The following TMEM178B variants were observed in gnomAD, a reference collection of about 807,000 sequenced individuals.
The protein encoded by TMEM178B is transmembrane protein 178B.
Under a neutral mutation model 31.0 loss-of-function variants are expected in TMEM178B, and 5 were observed. The ratio of observed to expected loss-of-function variants is 0.16; its 90% CI spans 0.08 to 0.34. The LOEUF is 0.34. Ranked by LOEUF, TMEM178B falls within the 10% of genes least tolerant of loss-of-function variation. TMEM178B has a pLI of 1.00. For missense variants in TMEM178B, 275 were observed against 400.3 expected (o/e 0.69, Z 2.67); for synonymous variants, 164 against 164.0 (o/e 1.00, Z 0.00).
At chr7:141,283,234 G>A (rs565358871) in intron 2 of TMEM178B, among the ~76,000 whole-genome samples, 35 of 152,346 alleles carry the variant, frequency 2.3e-4, no homozygotes, top group East Asian at 1.2e-3. Context: ...TGCCTCTAAC[G>A]TGCTCTCTGG....
At chr7:141,236,781 TA>T (rs1344728590) in intron 2 of TMEM178B, among the ~76,000 whole-genome samples, 2 of 152,180 alleles carry the variant, frequency 1.3e-5, no homozygotes, top group African/African-American at 4.8e-5. Flanking sequence ...TTTCGAAGCT[TA>T]AGGGAAATTA....
chr7:141,496,530 T>A, the TMEM178B span, among the ~76,000 whole-genome samples: 2 of 145,836 alleles, frequency 1.4e-5, no homozygotes, highest in Non-Finnish European at 3.0e-5. Flanking sequence ...ATTAGCCAGG[T>A]GTAGTGGCGG....
At chr7:141,098,651 G>A (rs899738043) in intron 1 of TMEM178B, among the ~76,000 whole-genome samples, 1 of 152,202 alleles carries the variant, frequency 6.6e-6, no homozygotes, top group African/African-American at 2.4e-5. Context: ...GAGATTTATT[G>A]TGAAGGTTGA....
chr7:141,091,725 A>C (rs1420771332), intron 1 of TMEM178B, among the ~76,000 whole-genome samples: 1 of 152,086 alleles, frequency 6.6e-6, no homozygotes, highest in Admixed American at 6.5e-5. Context: ...TGAGTCCTAG[A>C]ATGTACTTTG....
At chr7:141,418,614 A>G (rs1801143427) in intron 2 of TMEM178B, among the ~76,000 whole-genome samples, 1 of 152,118 alleles carries the variant, frequency 6.6e-6, no homozygotes, top group Non-Finnish European at 1.5e-5. Context: ...ATCTGGGTTC[A>G]TTCTCCTTCT....
At chr7:141,190,862 G>A (rs908933577) in intron 1 of TMEM178B, among the ~76,000 whole-genome samples, 1 of 152,084 alleles carries the variant, frequency 6.6e-6, no homozygotes, top group Non-Finnish European at 1.5e-5. Context: ...TTTATGCATA[G>A]GCAAGCATAT....
intron 2 of TMEM178B, among the ~76,000 whole-genome samples, chr7:141,370,378 G>T (rs1800094497): frequency 6.6e-6 from 1 of 152,176 alleles, no homozygotes; most frequent in Non-Finnish European, 1.5e-5. Flanking sequence ...TCTTCCAGAT[G>T]AACCACCCTG....
At chr7:141,190,418 A>G (rs1029691166) in intron 1 of TMEM178B, among the ~76,000 whole-genome samples, 1 of 151,996 alleles carries the variant, frequency 6.6e-6, no homozygotes, top group Admixed American at 6.6e-5. Flanking sequence ...GGCTCAAGAA[A>G]TCCCCATGCT....
At chr7:141,221,670 T>C (rs1797259961) in intron 2 of TMEM178B, among the ~76,000 whole-genome samples, 1 of 152,198 alleles carries the variant, frequency 6.6e-6, no homozygotes, top group Non-Finnish European at 1.5e-5. Flanking sequence ...TGGGAGGCTG[T>C]TATAGTCAGA....
intron 2 of TMEM178B, chr7:141,352,797 T>C (rs1799756702): frequency 6.5e-6 from 1 of 152,790 alleles, no homozygotes; most frequent in African/African-American, 2.4e-5. Flanking sequence ...CCCTGCGCTA[T>C]GTGGCTCTAT....
chr7:141,183,355 A>G (rs1796560411), intron 1 of TMEM178B, among the ~76,000 whole-genome samples: 1 of 152,234 alleles, frequency 6.6e-6, no homozygotes, highest in Non-Finnish European at 1.5e-5. Flanking sequence ...GAAAATGCAC[A>G]GGAAATTAAT....
chr7:141,273,809 G>T (rs1016768872), intron 2 of TMEM178B, among the ~76,000 whole-genome samples: 1 of 152,162 alleles, frequency 6.6e-6, no homozygotes, highest in African/African-American at 2.4e-5. Flanking sequence ...ACCACTTTTG[G>T]TCCTGATCTC....
chr7:141,305,083 C>T (rs1466175721), intron 2 of TMEM178B, among the ~76,000 whole-genome samples: 1 of 152,196 alleles, frequency 6.6e-6, no homozygotes, highest in Non-Finnish European at 1.5e-5. Context: ...AGGTAAAACC[C>T]AGATCATGCA....
At chr7:141,131,540 T>C (rs1350847123) in intron 1 of TMEM178B, among the ~76,000 whole-genome samples, 2 of 151,858 alleles carry the variant, frequency 1.3e-5, no homozygotes, top group Non-Finnish European at 2.9e-5. Context: ...TTGCCCACTT[T>C]CGGGTTACGT....
At chr7:141,220,359 TAA>T (rs1554464334) in intron 2 of TMEM178B, among the ~76,000 whole-genome samples, 7 of 107,656 alleles carry the variant, frequency 6.5e-5, no homozygotes, top group African/African-American at 2.7e-4. Context: ...ATAATAATAA[TAA>T]AATAATAAAT....
At chr7:141,190,657 C>T (rs1796682410) in intron 1 of TMEM178B, among the ~76,000 whole-genome samples, 1 of 152,164 alleles carries the variant, frequency 6.6e-6, no homozygotes, top group Non-Finnish European at 1.5e-5. Context: ...ACAAGTTGGT[C>T]GTATGGGCAC....
chr7:141,421,263 A>AT (rs34036934), intron 2 of TMEM178B, among the ~76,000 whole-genome samples: 2 of 152,300 alleles, frequency 1.3e-5, no homozygotes, highest in Admixed American at 6.5e-5. Flanking sequence ...GAATTTAAAG[A>AT]TTTTTTGGGG....
intron 1 of TMEM178B, among the ~76,000 whole-genome samples, chr7:141,100,890 A>C (rs10277943): frequency 0.098 from 14,893 of 152,194 alleles, 934 homozygotes; most frequent in African/African-American, 0.17. Context: ...ATAGGCCCAA[A>C]TGTAAAGTAC....
intron 2 of TMEM178B, among the ~76,000 whole-genome samples, chr7:141,346,874 T>C (rs1312460231): frequency 2.0e-5 from 3 of 152,306 alleles, no homozygotes; most frequent in African/African-American, 7.2e-5. Flanking sequence ...TCATGTGGAA[T>C]TGTAATCCCC....
Sources: allele counts gnomAD v4.1 joint callset (sites outside exome capture counted in the v4.1 genomes callset), GRCh38; gene constraint gnomAD v4.1.1; transcripts MANE v1.5; gene names NCBI Gene and HGNC (gene_info 2026-07-23, HGNC 2026-07-21).